DLG2: variants seen among roughly 807,000 people sequenced by gnomAD.
The protein encoded by DLG2 is discs large MAGUK scaffold protein 2, also known as disks large homolog 2.
A neutral mutation model predicts 132.5 loss-of-function variants in DLG2; 45 were observed. That is an observed-to-expected ratio of 0.34 (90% CI 0.27 to 0.44). The LOEUF (loss-of-function observed/expected upper bound fraction) is 0.44, where lower values mean the gene tolerates loss of function less well. DLG2 is among the 20% of genes least tolerant of loss of function. The pLI, the probability that DLG2 is intolerant of heterozygous loss-of-function variation, is 1.00. For synonymous variants in DLG2, 424 were observed against 419.6 expected, an observed-to-expected ratio of 1.01 and a Z score of -0.13; for missense variants, 1,045 against 1,196.9, an observed-to-expected ratio of 0.87 and a Z score of 1.87.
intron 3 of DLG2, among the ~76,000 whole-genome samples, chr11:85,370,321 G>A (rs1181046695): frequency 6.6e-6 from 1 of 152,180 alleles, no homozygotes; most frequent in Non-Finnish European, 1.5e-5. Context: ...GCATGGAAAT[G>A]TAAACTTTTG....
chr11:84,511,324 A>G (rs1248995055), intron 7 of DLG2, among the ~76,000 whole-genome samples: 1 of 152,140 alleles, frequency 6.6e-6, no homozygotes, highest in East Asian at 1.9e-4. Context: ...TGCATGTATG[A>G]ATAATAAAAA....
chr11:83,748,371 C>A (rs1198279337), intron 18 of DLG2, among the ~76,000 whole-genome samples: 1 of 152,204 alleles, frequency 6.6e-6, no homozygotes, highest in African/African-American at 2.4e-5. Context: ...CTGCAACTTT[C>A]AGAGACACCT....
At chr11:83,696,194 G>A (rs1238331890) in intron 18 of DLG2, among the ~76,000 whole-genome samples, 1 of 152,154 alleles carries the variant, frequency 6.6e-6, no homozygotes, top group Non-Finnish European at 1.5e-5. Flanking sequence ...GATAGGGCCT[G>A]ATCTTAGATG....
chr11:85,510,810 G>A (rs1313060689), intron 3 of DLG2, among the ~76,000 whole-genome samples: 1 of 152,180 alleles, frequency 6.6e-6, no homozygotes, highest in Non-Finnish European at 1.5e-5. Context: ...GGAAGTCAGT[G>A]TGGCGATTCC....
chr11:85,398,010 T>A (rs901482762), intron 3 of DLG2, among the ~76,000 whole-genome samples: 2 of 152,160 alleles, frequency 1.3e-5, no homozygotes, highest in African/African-American at 2.4e-5. Context: ...TATTCTAAAA[T>A]TGACCACATA....
chr11:84,140,838 G>C lies in DLG2; in HGVS notation c.624+22623C>G, dbSNP rs191037377. On this transcript the variant is annotated intron_variant, in intron 9 of 27. Transcript: ENST00000376104. Reference sequence around the variant, plus strand: ...GCAATCTGACTATATCATGACTAGTGAGAGAATGAATATATTACTCCAAAA... The same window carrying C: ...GCAATCTGACTATATCATGACTAGTCAGAGAATGAATATATTACTCCAAAA... Among the ~76,000 whole-genome samples the C allele has an allele frequency of 2.1e-3, 314 of 152,200 alleles. 2 individuals are homozygous for C. The highest frequency in any genetic ancestry group is 7.3e-3 in the African/African-American group (302 of 41,548).
chr11:83,999,781 T>C (rs146177877), intron 11 of DLG2, among the ~76,000 whole-genome samples: 4 of 152,054 alleles, frequency 2.6e-5, no homozygotes, highest in Non-Finnish European at 5.9e-5. Context: ...AGAAAAATCA[T>C]ACAAAGACTA....
At chr11:84,375,994 T>C (rs1018698564) in intron 7 of DLG2, among the ~76,000 whole-genome samples, 61 of 152,020 alleles carry the variant, frequency 4.0e-4, no homozygotes, top group South Asian at 2.1e-4. Context: ...AATAAGCTTA[T>C]TGTACTATGT....
At chr11:84,640,404 C>A (rs1015336889) in intron 6 of DLG2, 2 of 405,060 alleles carry the variant, frequency 4.9e-6, no homozygotes, top group East Asian at 1.8e-4. Flanking sequence ...ATCTCAAGCC[C>A]AGAACGATGA....
intron 4 of DLG2, among the ~76,000 whole-genome samples, chr11:85,206,774 A>T (rs1264207627): frequency 6.6e-6 from 1 of 152,136 alleles, no homozygotes; most frequent in Non-Finnish European, 1.5e-5. Flanking sequence ...CAGAGCTTGC[A>T]GTGAGACGAG....
intron 5 of DLG2, among the ~76,000 whole-genome samples, chr11:85,122,974 T>TATATATATATATATA (rs60013781): frequency 1.5e-4 from 10 of 67,890 alleles, no homozygotes; most frequent in Admixed American, 2.1e-4. Context: ...TATATATTTT[T>TATATATATATATATA]TTTTTTTTTT....
At chr11:84,384,000 T>C (rs2098758636) in intron 7 of DLG2, among the ~76,000 whole-genome samples, 1 of 151,388 alleles carries the variant, frequency 6.6e-6, no homozygotes, top group Non-Finnish European at 1.5e-5. Context: ...GAAACTTTTA[T>C]ACTCAAATAA....
chr11:84,673,395 G>C (rs887747427), intron 6 of DLG2, among the ~76,000 whole-genome samples: 1 of 152,086 alleles, frequency 6.6e-6, no homozygotes, highest in Admixed American at 6.6e-5. Context: ...ATACAGACCT[G>C]AATTTGAATC....
intron 3 of DLG2, among the ~76,000 whole-genome samples, chr11:85,360,466 C>T (rs450444): frequency 0.63 from 95,844 of 151,946 alleles, 30,517 homozygotes; most frequent in Middle Eastern, 0.75. Flanking sequence ...TGTTATTAGC[C>T]GGGTCTTACC....
intron 7 of DLG2, among the ~76,000 whole-genome samples, chr11:84,343,613 G>A (rs1163578793): frequency 6.6e-6 from 1 of 152,128 alleles, no homozygotes; most frequent in East Asian, 1.9e-4. Context: ...CAGGGGATGG[G>A]CAGGAAATGC....
chr11:84,735,974 T>C (rs1201756456), intron 6 of DLG2, among the ~76,000 whole-genome samples: 1 of 151,986 alleles, frequency 6.6e-6, no homozygotes, highest in Admixed American at 6.6e-5. Flanking sequence ...CTAAGAAATC[T>C]GTTTAACCCA....
chr11:83,825,130 TATAC>T (rs1164100257), intron 17 of DLG2, among the ~76,000 whole-genome samples: 128 of 89,020 alleles, frequency 1.4e-3, no homozygotes, highest in African/African-American at 4.6e-3. Flanking sequence ...CACATATATA[TATAC>T]ACACACACAC....
At chr11:85,261,377 T>G (rs2076931684) in intron 4 of DLG2, among the ~76,000 whole-genome samples, 1 of 151,716 alleles carries the variant, frequency 6.6e-6, no homozygotes, top group African/African-American at 2.4e-5. Flanking sequence ...GGACACCACA[T>G]CCCCCACCCC....
intron 4 of DLG2, among the ~76,000 whole-genome samples, chr11:85,163,088 G>A (rs2078163660): frequency 6.6e-6 from 1 of 152,076 alleles, no homozygotes; most frequent in Admixed American, 6.6e-5. Flanking sequence ...CCTACCCTCA[G>A]ACATCAGACT....
Sources: gnomAD v4.1 joint callset for allele counts (sites outside exome capture counted in the v4.1 genomes callset) on GRCh38, gnomAD v4.1.1 for gene constraint, MANE v1.5 for transcripts, NCBI Gene and HGNC (gene_info 2026-07-23, HGNC 2026-07-21) for gene names.